The following SLC24A2 variants were observed in gnomAD, a reference collection of about 807,000 sequenced individuals.
SLC24A2 encodes the protein sodium/potassium/calcium exchanger 2.
Under a neutral mutation model 62.0 loss-of-function variants are expected in SLC24A2, and 36 were observed. That is an observed-to-expected ratio of 0.58 (90% CI 0.44 to 0.77). The LOEUF is 0.77. Ranked by LOEUF, SLC24A2 falls within the 30% of genes least tolerant of loss-of-function variation. SLC24A2 has a pLI of 0.00. For missense variants in SLC24A2, 846 were observed against 817.9 expected (o/e 1.03, Z -0.42); for synonymous variants, 358 against 294.0 (o/e 1.22, Z -2.23).
intron 2 of SLC24A2, among the ~76,000 whole-genome samples, chr9:19,768,478 C>T (rs1253651358): frequency 6.6e-6 from 1 of 152,162 alleles, no homozygotes; most frequent in Non-Finnish European, 1.5e-5. Flanking sequence ...CCAAGACCCC[C>T]ACTGGATACA....
chr9:20,216,671 T>C, the SLC24A2 span, among the ~76,000 whole-genome samples: 1 of 152,220 alleles, frequency 6.6e-6, no homozygotes. Flanking sequence ...AATGGACAGA[T>C]ACTATCACTC....
the SLC24A2 span, among the ~76,000 whole-genome samples, chr9:19,884,083 A>G: frequency 2.0e-5 from 3 of 152,190 alleles, no homozygotes; most frequent in Non-Finnish European, 1.5e-5. Context: ...TGATATGCCT[A>G]CTTTTTGTGC....
At chr9:19,972,784 C>T in the SLC24A2 span, among the ~76,000 whole-genome samples, 1 of 152,156 alleles carries the variant, frequency 6.6e-6, no homozygotes, top group African/African-American at 2.4e-5. Flanking sequence ...TTGGGAAGTA[C>T]TATTCTATAC....
the SLC24A2 span, among the ~76,000 whole-genome samples, chr9:19,930,989 C>T: frequency 6.6e-6 from 1 of 152,158 alleles, no homozygotes; most frequent in Non-Finnish European, 1.5e-5. Flanking sequence ...TTGGCATTAG[C>T]AGAATTCATT....
chr9:19,519,534 C>G (rs960499292), intron 10 of SLC24A2, among the ~76,000 whole-genome samples: 1 of 152,186 alleles, frequency 6.6e-6, no homozygotes, highest in Non-Finnish European at 1.5e-5. Flanking sequence ...GTAGGTACAA[C>G]TTCCTTTAAA....
At chr9:20,031,480 T>G in the SLC24A2 span, among the ~76,000 whole-genome samples, 4 of 151,162 alleles carry the variant, frequency 2.6e-5, no homozygotes, top group Non-Finnish European at 4.4e-5. Context: ...AGAATTAAAT[T>G]TTTATAAATT....
chr9:19,906,104 G>A, the SLC24A2 span, among the ~76,000 whole-genome samples: 1 of 152,152 alleles, frequency 6.6e-6, no homozygotes, highest in South Asian at 2.1e-4. Context: ...AAATGTAAAA[G>A]AACTGAAATT....
the SLC24A2 span, among the ~76,000 whole-genome samples, chr9:20,268,199 T>G: frequency 6.6e-6 from 1 of 152,172 alleles, no homozygotes; most frequent in Non-Finnish European, 1.5e-5. Context: ...TTGTTGACAG[T>G]ACATTGAAAA....
At chr9:19,558,584 G>A (rs768525401) in intron 7 of SLC24A2, among the ~76,000 whole-genome samples, 9 of 152,298 alleles carry the variant, frequency 5.9e-5, no homozygotes, top group Middle Eastern at 3.4e-3. Flanking sequence ...CACTGTAGAA[G>A]ATGGATTAAG....
chr9:19,535,871 C>G (rs1334987650), intron 8 of SLC24A2, among the ~76,000 whole-genome samples: 8 of 152,068 alleles, frequency 5.3e-5, no homozygotes, highest in African/African-American at 1.9e-4. Context: ...TTTTCCAATT[C>G]TGTGAAGAAA....
At chr9:20,085,102 A>C in the SLC24A2 span, among the ~76,000 whole-genome samples, 193 of 152,014 alleles carry the variant, frequency 1.3e-3, 2 homozygotes, top group East Asian at 0.019. Context: ...CTCAAACAGT[A>C]CTCCCACCTC....
At chr9:19,894,481 T>C in the SLC24A2 span, among the ~76,000 whole-genome samples, 4 of 152,242 alleles carry the variant, frequency 2.6e-5, no homozygotes. Flanking sequence ...ATTACATGAA[T>C]GACTGAATTG....
chr9:20,265,324 G>T, the SLC24A2 span, among the ~76,000 whole-genome samples: 1 of 152,222 alleles, frequency 6.6e-6, no homozygotes, highest in Non-Finnish European at 1.5e-5. Flanking sequence ...CCGAGTTGTT[G>T]CGGGAAGTCA....
chr9:20,238,171 C>A, the SLC24A2 span, among the ~76,000 whole-genome samples: 2 of 152,272 alleles, frequency 1.3e-5, no homozygotes, highest in Admixed American at 6.5e-5. Flanking sequence ...AGGCCTGACA[C>A]CTGCCAAGTA....
chr9:19,931,059 A>G, the SLC24A2 span, among the ~76,000 whole-genome samples: 1 of 152,246 alleles, frequency 6.6e-6, no homozygotes, highest in African/African-American at 2.4e-5. Context: ...AATAATCATG[A>G]TAACCATAGA....
In SLC24A2 at chr9:19,686,954, A is replaced by C. The variant is rs542996716; in HGVS notation, c.931-64655T>G. On this transcript the variant is annotated intron_variant, in intron 2 of 10. Coordinates refer to ENST00000341998, the MANE Select transcript of SLC24A2 (RefSeq NM_020344.4). Reference sequence around the variant, plus strand: ...ACACCATGGAATACCATGCAGCCATAAAAAAGAATGAGATAATGTCCTTTG... The same window carrying C: ...ACACCATGGAATACCATGCAGCCATCAAAAAGAATGAGATAATGTCCTTTG... Among the ~76,000 whole-genome samples the C allele has an allele frequency of 2.0e-5, 3 of 152,204 alleles. No individual in the cohort carries two copies. In the East Asian group the frequency reaches 5.8e-4, roughly 29 times the overall value.
the SLC24A2 span, among the ~76,000 whole-genome samples, chr9:20,259,741 T>C: frequency 6.6e-6 from 1 of 152,188 alleles, no homozygotes; most frequent in Non-Finnish European, 1.5e-5. Context: ...GATTTGAATG[T>C]TTGGCCCCTC....
chr9:19,634,177 G>A (rs1197664666), intron 2 of SLC24A2, among the ~76,000 whole-genome samples: 1 of 151,896 alleles, frequency 6.6e-6, no homozygotes, highest in Non-Finnish European at 1.5e-5. Flanking sequence ...TTAAAGATTG[G>A]GGTAAAAGGC....
chr9:20,185,932 C>A, the SLC24A2 span, among the ~76,000 whole-genome samples: 4 of 152,142 alleles, frequency 2.6e-5, no homozygotes, highest in Non-Finnish European at 5.9e-5. Flanking sequence ...GTATGCCAGT[C>A]CCTCTCCAAG....
Sources: allele counts gnomAD v4.1 joint callset (sites outside exome capture counted in the v4.1 genomes callset), GRCh38; gene constraint gnomAD v4.1.1; transcripts MANE v1.5; gene names NCBI Gene and HGNC (gene_info 2026-07-23, HGNC 2026-07-21).